EGLN1: variants seen among roughly 807,000 people sequenced by gnomAD.
EGLN1 encodes the protein egl nine homolog 1.
A neutral mutation model predicts 38.3 loss-of-function variants in EGLN1; 17 were observed. That is an observed-to-expected ratio of 0.44 (90% CI 0.30 to 0.67). EGLN1 has a LOEUF of 0.67. EGLN1 is among the 30% of genes least tolerant of loss of function. The pLI is 0.08. For synonymous variants in EGLN1, 283 were observed against 257.5 expected, an observed-to-expected ratio of 1.10 and a Z score of -0.95; for missense variants, 477 against 603.3, an observed-to-expected ratio of 0.79 and a Z score of 2.19.
At position 231,421,470 on chromosome 1, in the gene EGLN1, G is replaced by A. The variant is rs768557500; in HGVS notation, c.419C>T (p.Ala140Val). 181 of 1,454,392 alleles carry A rather than the reference G, an allele frequency of 1.2e-4. 1 individual carries two copies. Among genetic ancestry groups the A allele is most frequent in the Non-Finnish European group, 1.5e-4 (171 of 1,103,684 alleles). The allele number at this position is 1,454,392 out of a possible 1,614,324, so 90.1% of individuals were successfully genotyped here. A position where few individuals can be genotyped will look rare whatever the true frequency, so the allele number is the denominator to read the frequency against. Residue 140 changes from alanine to valine, a missense_variant, in exon 1 of 5, where the codon GCC (alanine) becomes GTC (valine). By Grantham distance (64) the Ala-to-Val change is moderately conservative. This residue lies in a region of EGLN1 where 298 missense variants were observed against 288.9 expected (regional missense o/e 1.03). Coordinates refer to ENST00000366641, the MANE Select transcript of EGLN1 (RefSeq NM_022051.3). The surrounding 1 kb of genome is among the most constrained non-coding windows in gnomAD (Gnocchi z 5.5). ...AAGGQGSAVA[A>V]EAEPGKEEPP... is the part of the protein sequence containing the mutation. Reference sequence around the variant, plus strand: ...CTCCTCCTTGCCGGGCTCGGCTTCGGCAGCCACCGCCGAGCCCTGGCCGCC... The same window carrying A: ...CTCCTCCTTGCCGGGCTCGGCTTCGACAGCCACCGCCGAGCCCTGGCCGCC...
At chr1:231,379,324 C>A (rs141804429) in intron 1 of EGLN1, among the ~76,000 whole-genome samples, 17 of 152,246 alleles carry the variant, frequency 1.1e-4, no homozygotes, top group African/African-American at 4.1e-4. Context: ...TCACTAATAG[C>A]CTCGATAGGT....
intron 1 of EGLN1, among the ~76,000 whole-genome samples, chr1:231,417,910 G>C (rs1267338415): frequency 6.6e-6 from 1 of 152,088 alleles, no homozygotes; most frequent in Non-Finnish European, 1.5e-5. Context: ...AAGAACATCA[G>C]ATTCTTAGTC....
In EGLN1 at chr1:231,365,648, C is replaced by T. The variant is rs190383315; in HGVS notation, c.*763G>A. The T allele has an allele frequency of 6.6e-6, 1 of 152,242 alleles. No homozygotes were observed. The highest frequency in any genetic ancestry group is 1.9e-4 in the East Asian group (1 of 5,192). 9.4% of individuals were successfully genotyped at this position (152,242 alleles called of 1,614,324 possible). On this transcript the variant is annotated 3_prime_UTR_variant, in exon 5 of 5. Transcript: ENST00000366641. ...GCAAGACTGTCTCAAAAAAACAAAA[C>T]AAAACAAAAAAATTTAAACTCTTCT...
chr1:231,396,557 T>C (rs147868446), intron 1 of EGLN1, among the ~76,000 whole-genome samples: 346 of 152,270 alleles, frequency 2.3e-3, no homozygotes, highest in Non-Finnish European at 4.0e-3. Context: ...CGGCCCCTCA[T>C]TGGCTTCTGT....
intron 1 of EGLN1, among the ~76,000 whole-genome samples, chr1:231,416,966 T>C (rs1463427559): frequency 1.3e-5 from 2 of 152,172 alleles, no homozygotes; most frequent in African/African-American, 4.8e-5. Context: ...ACAAAGAGAA[T>C]GGAAAAAGGA....
intron 1 of EGLN1, among the ~76,000 whole-genome samples, chr1:231,408,413 T>G (rs1336919812): frequency 6.6e-6 from 1 of 152,152 alleles, no homozygotes; most frequent in African/African-American, 2.4e-5. Flanking sequence ...AAGCAGCTGG[T>G]GAGCATTAAA....
At chr1:231,380,515 T>A (rs1381861378) in intron 1 of EGLN1, among the ~76,000 whole-genome samples, 1 of 151,940 alleles carries the variant, frequency 6.6e-6, no homozygotes, top group Non-Finnish European at 1.5e-5. Context: ...TCCTTAAAAA[T>A]TAGAAAAATG....
At chr1:231,404,208 C>T (rs892443044) in intron 1 of EGLN1, among the ~76,000 whole-genome samples, 1 of 152,098 alleles carries the variant, frequency 6.6e-6, no homozygotes, top group Non-Finnish European at 1.5e-5. Flanking sequence ...GCTTAAAATA[C>T]ACTTTTTACT....
chr1:231,420,870 T>A, intron 1 of EGLN1, 128 bp downstream of exon 1: 3 of 1,573,738 alleles, frequency 1.9e-6, no homozygotes, highest in Non-Finnish European at 2.6e-6. Flanking sequence ...TACGGGGAGC[T>A]ACACAAGAAA....
chr1:231,384,160 G>C (rs1473516766), intron 1 of EGLN1, among the ~76,000 whole-genome samples: 1 of 151,978 alleles, frequency 6.6e-6, no homozygotes, highest in South Asian at 2.1e-4. Flanking sequence ...GCTGGCGAGA[G>C]AGAAAGAACT....
At chr1:231,395,817 G>T (rs965654423) in intron 1 of EGLN1, among the ~76,000 whole-genome samples, 2 of 152,124 alleles carry the variant, frequency 1.3e-5, no homozygotes, top group African/African-American at 2.4e-5. Context: ...GGGCATCCAT[G>T]CCAGACCTAC....
intron 1 of EGLN1, among the ~76,000 whole-genome samples, chr1:231,415,789 G>C (rs1054680634): frequency 6.6e-6 from 1 of 151,724 alleles, no homozygotes; most frequent in Non-Finnish European, 1.5e-5. Context: ...TAAGGATACA[G>C]AAACCATAGC....
At chr1:231,406,455 T>C (rs915047189) in intron 1 of EGLN1, among the ~76,000 whole-genome samples, 1 of 152,094 alleles carries the variant, frequency 6.6e-6, no homozygotes, top group African/African-American at 2.4e-5. Context: ...GTAGTTTCCA[T>C]CCTGGTATAT....
chr1:231,376,787 T>C (rs1229215168), intron 1 of EGLN1, among the ~76,000 whole-genome samples: 2 of 152,138 alleles, frequency 1.3e-5, no homozygotes, highest in East Asian at 3.8e-4. Context: ...TGGTTGACAT[T>C]TGGGTTTAGA....
At chr1:231,382,552 A>T (rs1688100490) in intron 1 of EGLN1, among the ~76,000 whole-genome samples, 1 of 152,236 alleles carries the variant, frequency 6.6e-6, no homozygotes, top group Non-Finnish European at 1.5e-5. Context: ...TGTTATGGCT[A>T]CACACTGTAT....
At chr1:231,394,220 T>C (rs1025268372) in intron 1 of EGLN1, among the ~76,000 whole-genome samples, 2 of 152,190 alleles carry the variant, frequency 1.3e-5, no homozygotes, top group African/African-American at 2.4e-5. Context: ...GTTATAATTA[T>C]GCAGATTGAC....
chr1:231,397,323 AC>A (rs1688554921), intron 1 of EGLN1, among the ~76,000 whole-genome samples: 1 of 152,192 alleles, frequency 6.6e-6, no homozygotes, highest in African/African-American at 2.4e-5. Flanking sequence ...TATAAATCAA[AC>A]TACTTAACTT....
At chr1:231,391,814 A>G (rs574221596) in intron 1 of EGLN1, among the ~76,000 whole-genome samples, 1 of 152,324 alleles carries the variant, frequency 6.6e-6, no homozygotes, top group East Asian at 1.9e-4. Context: ...TTTTGAAACT[A>G]TTATTACAAA....
chr1:231,369,721 A>G (rs1182433047), intron 3 of EGLN1: 1 of 405,220 alleles, frequency 2.5e-6, no homozygotes, highest in East Asian at 1.6e-4. Flanking sequence ...AGCGCATCTA[A>G]GCCTGTGCCT....
Sources: gnomAD v4.1 joint callset for allele counts (sites outside exome capture counted in the v4.1 genomes callset) on GRCh38, gnomAD v4.1.1 for gene constraint, gnomAD v4.1.1 regional missense constraint, Gnocchi (gnomAD v3.1) non-coding constraint, MANE v1.5 for transcripts, NCBI Gene and HGNC (gene_info 2026-07-23, HGNC 2026-07-21) for gene names.